The following EML4 variants were observed in gnomAD, a reference collection of about 807,000 sequenced individuals.
EML4 encodes echinoderm microtubule-associated protein-like 4.
In EML4, 72 loss-of-function variants were observed where a neutral mutation model predicts 129.0. That is an observed-to-expected ratio of 0.56 (90% CI 0.46 to 0.68). The LOEUF (loss-of-function observed/expected upper bound fraction) is 0.68, where lower values mean the gene tolerates loss of function less well. Ranked by LOEUF, EML4 falls within the 30% of genes least tolerant of loss-of-function variation. The pLI is 0.00. For synonymous variants in EML4, 532 were observed against 405.0 expected, an observed-to-expected ratio of 1.31 and a Z score of -3.77; for missense variants, 1,363 against 1,190.6, an observed-to-expected ratio of 1.14 and a Z score of -2.13.
Position 42,169,402 on chromosome 2 carries a change from C to G in EML4, c.-210C>G, listed in dbSNP as rs1357969946. ...GAGGGAGGCCGGGCAGGCGGCTGAG[C>G]GGCGCGGCTCTCAACGTGACGGGGA... On this transcript the variant is annotated 5_prime_UTR_variant, in exon 1 of 23. Coordinates refer to ENST00000318522, the MANE Select transcript of EML4 (RefSeq NM_019063.5). 4 of 391,382 alleles carry G rather than the reference C, an allele frequency of 1.0e-5. No homozygotes were observed. Among genetic ancestry groups the G allele is most frequent in the Non-Finnish European group, 1.8e-5 (4 of 221,758 alleles). The allele number at this position is 391,382 out of a possible 1,614,324, so 24.2% of individuals were successfully genotyped here. A position where few individuals can be genotyped will look rare whatever the true frequency, so the allele number is the denominator to read the frequency against.
intron 1 of EML4, among the ~76,000 whole-genome samples, chr2:42,189,470 C>A (rs1671456476): frequency 1.3e-5 from 2 of 152,156 alleles, no homozygotes; most frequent in Non-Finnish European, 2.9e-5. Flanking sequence ...GTCCCTGTTA[C>A]TTGGGAGGCC....
At chr2:42,236,624 C>G (rs966707080) in intron 1 of EML4, among the ~76,000 whole-genome samples, 43 of 152,310 alleles carry the variant, frequency 2.8e-4, no homozygotes, top group African/African-American at 1.0e-3. Context: ...TAACTATTTT[C>G]CCCTTTACAG....
chr2:42,171,742 C>T (rs1670293328), intron 1 of EML4, among the ~76,000 whole-genome samples: 1 of 152,032 alleles, frequency 6.6e-6, no homozygotes, highest in African/African-American at 2.4e-5. Flanking sequence ...GAAATGGTTC[C>T]TGGCAGTATT....
chr2:42,245,762 A>T, intron 2 of EML4, 75 bp downstream of exon 2: 2 of 1,379,558 alleles, frequency 1.4e-6, no homozygotes, highest in Non-Finnish European at 1.9e-6. Flanking sequence ...TGGAAATATA[A>T]AACTAGTTTC....
chr2:42,184,245 TTATTA>T (rs887790360), intron 1 of EML4, among the ~76,000 whole-genome samples: 34 of 152,230 alleles, frequency 2.2e-4, no homozygotes, highest in African/African-American at 7.9e-4. Flanking sequence ...TTCATTATTA[TTATTA>T]TATTTTAAGT....
At chr2:42,226,270 G>A (rs552466207) in intron 1 of EML4, among the ~76,000 whole-genome samples, 1 of 152,210 alleles carries the variant, frequency 6.6e-6, no homozygotes, top group East Asian at 1.9e-4. Flanking sequence ...GACAGGGATT[G>A]GGGAGATGTT....
chr2:42,218,149 G>A (rs548179665), intron 1 of EML4, among the ~76,000 whole-genome samples: 3 of 152,180 alleles, frequency 2.0e-5, no homozygotes, highest in East Asian at 1.9e-4. Context: ...TACCACCTAC[G>A]CTTTGCCTTC....
At chr2:42,185,918 G>C (rs541861221) in intron 1 of EML4, among the ~76,000 whole-genome samples, 21 of 152,102 alleles carry the variant, frequency 1.4e-4, no homozygotes, top group Non-Finnish European at 2.8e-4. Flanking sequence ...AGGAGATACA[G>C]ACAGATTTAA....
chr2:42,303,549 A>T, intron 16 of EML4, 103 bp downstream of exon 16: 9 of 1,235,020 alleles, frequency 7.3e-6, no homozygotes, highest in Non-Finnish European at 1.0e-5. Flanking sequence ...TTCAAACCAA[A>T]TGTAAACATA....
chr2:42,200,968 A>G (rs1468541793), intron 1 of EML4, among the ~76,000 whole-genome samples: 1 of 152,170 alleles, frequency 6.6e-6, no homozygotes, highest in Non-Finnish European at 1.5e-5. Flanking sequence ...CCTAAGGATG[A>G]CCCTAAGAAA....
chr2:42,217,526 C>T (rs979886809), intron 1 of EML4, among the ~76,000 whole-genome samples: 3 of 152,102 alleles, frequency 2.0e-5, no homozygotes, highest in Non-Finnish European at 4.4e-5. Context: ...TAATATTTGT[C>T]TTTTAGGCTT....
chr2:42,233,832 CA>C (rs1281884488), intron 1 of EML4, among the ~76,000 whole-genome samples: 1 of 151,820 alleles, frequency 6.6e-6, no homozygotes, highest in Non-Finnish European at 1.5e-5. Flanking sequence ...TTAAATAAAA[CA>C]AAAGGAAAAA....
At chr2:42,262,722 A>C (rs143950648) in intron 4 of EML4, among the ~76,000 whole-genome samples, 37 of 152,322 alleles carry the variant, frequency 2.4e-4, no homozygotes, top group African/African-American at 8.9e-4. Context: ...AAAGATATAA[A>C]CAAGAGTTTA....
intron 3 of EML4, among the ~76,000 whole-genome samples, chr2:42,257,330 A>G (rs1311622558): frequency 6.6e-6 from 1 of 152,218 alleles, no homozygotes; most frequent in Non-Finnish European, 1.5e-5. Flanking sequence ...GTGATCAGCT[A>G]CAAAATCTTA....
chr2:42,284,669 C>G lies in EML4; in HGVS notation c.977C>G (p.Thr326Ser), dbSNP rs769790433. The G allele has an allele frequency of 6.8e-6, 11 of 1,612,866 alleles. No individual in the cohort carries two copies. Among genetic ancestry groups the G allele is most frequent in the Non-Finnish European group, 5.9e-6 (7 of 1,179,418 alleles). The change falls in exon 9 of 23, where the codon ACT (threonine) becomes AGT (serine). Residue 326 changes from threonine to serine, a missense_variant. By Grantham distance (58) the Thr-to-Ser change is moderately conservative. Transcript: ENST00000318522. Reference sequence around the variant, plus strand: ...CATCCTGACAAAATTAGGATTGCAACTGGACAGATAGCTGGCGTGGATAAA... The same window carrying G: ...CATCCTGACAAAATTAGGATTGCAAGTGGACAGATAGCTGGCGTGGATAAA... ...AIHPDKIRIATGQIAGVDKDG... is the reference protein window; with the variant it reads ...AIHPDKIRIASGQIAGVDKDG...
At chr2:42,318,765 C>CGACA (rs1336697698) in intron 19 of EML4, among the ~76,000 whole-genome samples, 1 of 151,988 alleles carries the variant, frequency 6.6e-6, no homozygotes, top group Non-Finnish European at 1.5e-5. Flanking sequence ...CTTACTCTGT[C>CGACA]ACCCAGGCTG....
At position 42,295,464 on chromosome 2, in the gene EML4, G is replaced by T; in HGVS notation, c.1437G>T (p.Met479Ile). 6.2e-7 allele frequency: 1 copy of T among 1,613,980 alleles called. No homozygotes were observed. Among genetic ancestry groups the T allele is most frequent in the Non-Finnish European group, 8.5e-7 (1 of 1,179,924 alleles). The change falls in exon 13 of 23, where the codon ATG becomes ATT. Residue 479 changes from methionine (M) to isoleucine (I), a missense_variant. Physicochemically the swap from Met to Ile is conservative, Grantham distance 10. Transcript: ENST00000318522. ...DVLTGDSGGV[M>I]LIWSKTTVEP... ...TTACTGGAGACTCAGGTGGAGTCATGCTTATATGGAGCAAAACTACTGTAG... is the reference window on the plus strand; with the variant it reads ...TTACTGGAGACTCAGGTGGAGTCATTCTTATATGGAGCAAAACTACTGTAG...
rs1296875912 is a variant in EML4 at position 42,331,369 on chromosome 2, A to G, written c.*1162A>G. 1 of 223,772 alleles carries G rather than the reference A, an allele frequency of 4.5e-6. No homozygotes were observed. Among genetic ancestry groups the G allele is most frequent in the Middle Eastern group, 1.4e-3 (1 of 716 alleles). The allele number at this position is 223,772 out of a possible 1,614,324, so 13.9% of individuals were successfully genotyped here. ...CTTGTAAGTCTAATGTGGCTATCCT[A>G]CTCTTTTGGGCAATGCATGTATTAT... is the stretch of plus-strand genomic sequence containing the variant. On this transcript the variant is annotated 3_prime_UTR_variant, in exon 23 of 23. Coordinates refer to ENST00000318522, the MANE Select transcript of EML4 (RefSeq NM_019063.5).
intron 6 of EML4, among the ~76,000 whole-genome samples, chr2:42,266,736 G>A (rs567812865): frequency 6.6e-4 from 100 of 151,974 alleles, no homozygotes; most frequent in African/African-American, 2.1e-3. Context: ...GGTTGGTCCT[G>A]GCTCTTATGC....
Sources: allele counts gnomAD v4.1 joint callset (sites outside exome capture counted in the v4.1 genomes callset), GRCh38; gene constraint gnomAD v4.1.1; transcripts MANE v1.5; gene names NCBI Gene and HGNC (gene_info 2026-07-23, HGNC 2026-07-21).